Variants in PTPRZ1 observed in about 807,000 individuals in gnomAD.
PTPRZ1 encodes protein tyrosine phosphatase receptor type Z1.
In PTPRZ1, 82 loss-of-function variants were observed where a neutral mutation model predicts 214.1. The observed-to-expected ratio is 0.38, with a 90% CI of 0.32 to 0.46. The LOEUF is 0.46. PTPRZ1 is among the 20% of genes least tolerant of loss of function. PTPRZ1 has a pLI of 1.00. For synonymous variants in PTPRZ1, 945 were observed against 987.9 expected, an observed-to-expected ratio of 0.96 and a Z score of 0.81; for missense variants, 2,603 against 2,748.7, an observed-to-expected ratio of 0.95 and a Z score of 1.19.
At position 121,873,313 on chromosome 7, in the gene PTPRZ1, CTG is replaced by C. The variant is rs1454240714; in HGVS notation, c.-185_-184del. ...TGACTGTCTCTCTCTGTCTCTGTCT[CTG>C]TCTCTCTCTCTCTCACACACACACA... On this transcript the variant is annotated 5_prime_UTR_variant, in exon 1 of 30. Transcript: ENST00000393386. The C allele has an allele frequency of 1.2e-4, 63 of 542,286 alleles. No homozygotes were observed. The Middle Eastern group carries it at 1.4e-3, about 12-fold the overall frequency. The allele number at this position is 542,286 out of a possible 1,614,324, so 33.6% of individuals were successfully genotyped here. A position where few individuals can be genotyped will look rare whatever the true frequency, so the allele number is the denominator to read the frequency against.
At chr7:121,955,334 A>T (rs1041534717) in intron 2 of PTPRZ1, among the ~76,000 whole-genome samples, 2 of 152,260 alleles carry the variant, frequency 1.3e-5, no homozygotes, top group African/African-American at 2.4e-5. Context: ...TAATGACCAC[A>T]AGAGGGCTTA....
In PTPRZ1 at chr7:122,038,871, C is replaced by T. The variant is rs1799630064; in HGVS notation, c.5484C>T (p.Asn1828=). 6.2e-7 allele frequency: 1 copy of T among 1,613,710 alleles called. No individual in the cohort carries two copies. Among genetic ancestry groups the T allele is most frequent in the Admixed American group, 1.7e-5 (1 of 59,994 alleles). The change falls in exon 19 of 30, where the codon AAC becomes AAT. Residue 1828 remains asparagine, a synonymous_variant. Transcript: ENST00000393386. ...HNVEVIVMIT[N]LVEKGRRKCD... is the part of the protein sequence containing the mutation. ...TGGAAGTTATTGTCATGATAACAAA[C>T]CTCGTGGAGAAAGGAAGGGTATGTA...
At chr7:121,998,074 T>G in intron 10 of PTPRZ1, 68 bp downstream of exon 10, 1 of 1,476,536 alleles carries the variant, frequency 6.8e-7, no homozygotes, top group Non-Finnish European at 9.2e-7. Context: ...CTGTATGCAT[T>G]GATGCTTTCT....
Position 122,012,743 on chromosome 7 carries a change from G to A in PTPRZ1, c.3697G>A (p.Glu1233Lys), listed in dbSNP as rs1798714888. The A allele has an allele frequency of 1.2e-6, 2 of 1,610,538 alleles. No homozygotes were observed. Among genetic ancestry groups the A allele is most frequent in the Non-Finnish European group, 1.7e-6 (2 of 1,176,940 alleles). ...CATTGTATCAAATTCTGCTTCAAGT[G>A]AAAACATGCTGCACTCTACATCTGT... ...HLIVSNSASSENMLHSTSVPV... is the reference protein window; with the variant it reads ...HLIVSNSASSKNMLHSTSVPV... Residue 1233 changes from glutamate (E) to lysine (K), a missense_variant, in exon 12 of 30, where the codon GAA becomes AAA. By Grantham distance (56) the Glu-to-Lys change is moderately conservative (BLOSUM62 1). Transcript: ENST00000393386.
intron 1 of PTPRZ1, among the ~76,000 whole-genome samples, chr7:121,901,858 ACAT>A (rs1430865313): frequency 7.2e-5 from 11 of 152,200 alleles, no homozygotes; most frequent in Admixed American, 7.2e-4. Flanking sequence ...TGTGGCAAAA[ACAT>A]TAAAAATTCC....
chr7:121,943,580 C>T lies in PTPRZ1; in HGVS notation c.124+15359C>T, dbSNP rs184799635. Among the ~76,000 whole-genome samples, 10 of 152,268 alleles carry T rather than the reference C, an allele frequency of 6.6e-5. No individual in the cohort carries two copies. The East Asian group carries it at 1.5e-3, about 24-fold the overall frequency. ...GTCTCGATCTCCTGACCTCGTGATC[C>T]TCCCGCCTCGGCCTCCCAACGTGCT... On this transcript the variant is annotated intron_variant, in intron 2 of 29. Coordinates refer to ENST00000393386, the MANE Select transcript of PTPRZ1 (RefSeq NM_002851.3).
rs535999184 is a variant in PTPRZ1, at chr7:121,904,386, A to G, written c.59-23770A>G. 9.4e-4 allele frequency among the ~76,000 whole-genome samples: 143 copies of G among 152,298 alleles called. 1 individual carries two copies. The highest frequency in any genetic ancestry group is 3.1e-3 in the African/African-American group (130 of 41,570). On this transcript the variant is annotated intron_variant, in intron 1 of 29. Transcript: ENST00000393386. ...AGCCTGGAACCAGGCCTCCCATATCAGGGAGCTGTGCAGTGGGGGTGCTCA... is the reference window on the plus strand; with the variant it reads ...AGCCTGGAACCAGGCCTCCCATATCGGGGAGCTGTGCAGTGGGGGTGCTCA...
intron 27 of PTPRZ1, 114 bp from the exon 28 acceptor site, chr7:122,058,686 A>T: frequency 1.3e-6 from 1 of 791,250 alleles, no homozygotes; most frequent in Non-Finnish European, 2.0e-6. Context: ...ACTGCTGCTC[A>T]CTCATGCCTG....
In PTPRZ1 at chr7:121,972,570, G is replaced by A. The variant is rs1246884990; in HGVS notation, c.334G>A (p.Val112Ile). The change falls in exon 4 of 30, where the codon GTC (valine) becomes ATC (isoleucine). Residue 112 changes from valine (V) to isoleucine (I), a missense_variant. Around this residue, in one of 6 missense-constraint regions of PTPRZ1, gnomAD observed 141 missense variants for 143.7 expected, o/e 0.98. Transcript: ENST00000393386. Reference protein sequence around the residue: ...VEINLTNDYRVSGGVSEMVFK... With the variant: ...VEINLTNDYRISGGVSEMVFK... ...AATTAATCTCACTAATGACTACCGT[G>A]TCAGCGGAGGAGTTTCAGAAATGGT... 5 of 1,612,248 alleles carry A rather than the reference G, an allele frequency of 3.1e-6. No individual in the cohort carries two copies. The South Asian group carries it at 3.3e-5, about 11-fold the overall frequency.
At chr7:122,015,939 A>T (rs1798829491) in intron 12 of PTPRZ1, among the ~76,000 whole-genome samples, 1 of 152,108 alleles carries the variant, frequency 6.6e-6, no homozygotes, top group Admixed American at 6.6e-5. Flanking sequence ...CTATAAAATC[A>T]TATGTAATCT....
intron 13 of PTPRZ1, 90 bp from the exon 14 acceptor site, chr7:122,028,462 G>C (rs186919349): frequency 7.4e-6 from 7 of 940,176 alleles, no homozygotes; most frequent in Middle Eastern, 2.2e-4. Flanking sequence ...TTTTAATTCT[G>C]GAGATTTCTA....
At chr7:121,941,003 C>G (rs1796224979) in intron 2 of PTPRZ1, among the ~76,000 whole-genome samples, 1 of 152,162 alleles carries the variant, frequency 6.6e-6, no homozygotes, top group Non-Finnish European at 1.5e-5. Context: ...AGCCTTCTTT[C>G]CTGACTCTTC....
intron 26 of PTPRZ1, 21 bp from the exon 27 acceptor site, chr7:122,054,920 C>G: frequency 6.4e-7 from 1 of 1,573,734 alleles, no homozygotes; most frequent in East Asian, 2.3e-5. Flanking sequence ...CTAGACTCTT[C>G]TTTCATTTGC....
chr7:121,920,451 C>A (rs1277512958), intron 1 of PTPRZ1, among the ~76,000 whole-genome samples: 1 of 152,016 alleles, frequency 6.6e-6, no homozygotes, highest in African/African-American at 2.4e-5. Flanking sequence ...CTTCTCACTT[C>A]TAATATTATT....
intron 1 of PTPRZ1, among the ~76,000 whole-genome samples, chr7:121,902,174 C>G (rs1794979493): frequency 6.6e-6 from 1 of 152,170 alleles, no homozygotes; most frequent in African/African-American, 2.4e-5. Flanking sequence ...CATGTTGTCA[C>G]AATCACAGTA....
intron 1 of PTPRZ1, among the ~76,000 whole-genome samples, chr7:121,883,046 A>G (rs1794290291): frequency 6.6e-6 from 1 of 152,202 alleles, no homozygotes; most frequent in South Asian, 2.1e-4. Flanking sequence ...ATACAAGTCC[A>G]CAGAAGTTGA....
At chr7:121,985,637 C>T (rs1797743975) in intron 8 of PTPRZ1, among the ~76,000 whole-genome samples, 1 of 152,192 alleles carries the variant, frequency 6.6e-6, no homozygotes. Flanking sequence ...CCTCCTCATT[C>T]TTCAAGACTC....
chr7:122,019,830 G>A (rs1032200153), intron 13 of PTPRZ1, among the ~76,000 whole-genome samples: 2 of 152,018 alleles, frequency 1.3e-5, no homozygotes, highest in Non-Finnish European at 2.9e-5. Context: ...ATATAGCTTC[G>A]CTGTCAATAA....
chr7:122,049,634 G>C (rs764641130), intron 23 of PTPRZ1, among the ~76,000 whole-genome samples: 6 of 152,038 alleles, frequency 3.9e-5, no homozygotes, highest in Non-Finnish European at 7.4e-5. Flanking sequence ...TTATAAAAGT[G>C]AATTGAAGAG....
Sources: allele counts gnomAD v4.1 joint callset (sites outside exome capture counted in the v4.1 genomes callset), GRCh38; gene constraint gnomAD v4.1.1; regional missense constraint gnomAD v4.1.1; transcripts MANE v1.5; gene names NCBI Gene and HGNC (gene_info 2026-07-23, HGNC 2026-07-21).